Variants in ACOXL observed in about 807,000 individuals in gnomAD.
ACOXL encodes acyl-CoA oxidase like, also known as acyl-coenzyme A oxidase-like protein.
In ACOXL, 70 loss-of-function variants were observed where a neutral mutation model predicts 71.9. The observed-to-expected ratio is 0.97, with a 90% confidence interval of 0.80 to 1.19. The LOEUF is 1.19. ACOXL is among the 50% of genes most tolerant of loss of function. The probability of loss-of-function intolerance (pLI) is 0.00; values close to 1 mark genes in which losing one functional copy is unlikely to be tolerated. For synonymous variants in ACOXL, 253 were observed against 281.6 expected (o/e 0.90, Z 1.02); for missense variants, 703 against 736.3 (o/e 0.95, Z 0.52).
intron 15 of ACOXL, among the ~76,000 whole-genome samples, chr2:111,041,081 G>A (rs752834): frequency 0.15 from 22,445 of 152,028 alleles, 2,029 homozygotes; most frequent in Middle Eastern, 0.21. Context: ...TGGAGGGTGA[G>A]CTATGAGGAA....
chr2:111,005,084 C>A lies in ACOXL; in HGVS notation c.1281+9080C>A, dbSNP rs10164544. Among the ~76,000 whole-genome samples, 1,242 of 152,320 alleles carry A rather than the reference C, an allele frequency of 8.2e-3. 16 individuals are homozygous for A. Among genetic ancestry groups the A allele is most frequent in the African/African-American group, 0.028 (1,158 of 41,570 alleles). On this transcript the variant is annotated intron_variant, in intron 14 of 17. Coordinates refer to ENST00000439055, the MANE Select transcript of ACOXL (RefSeq NM_001142807.4). ...TTGGGCAAATGGAAGGATGAGAATA[C>A]AGATGGACTTAAAATAGTTCTAATT...
chr2:110,814,579 C>T (rs1687704693), intron 9 of ACOXL, among the ~76,000 whole-genome samples: 1 of 152,094 alleles, frequency 6.6e-6, no homozygotes, highest in East Asian at 1.9e-4. Flanking sequence ...CCCTTACAGG[C>T]TCTAAGAAGG....
chr2:111,105,952 ACTATTTATGATG>A (rs2069517438), intron 17 of ACOXL, among the ~76,000 whole-genome samples: 1 of 152,144 alleles, frequency 6.6e-6, no homozygotes, highest in South Asian at 2.1e-4. Flanking sequence ...AAGATTAAAA[ACTATTTATGATG>A]CTATTTATGA....
At chr2:111,100,140 A>G (rs2069045826) in intron 17 of ACOXL, 2 of 152,416 alleles carry the variant, frequency 1.3e-5, no homozygotes, top group African/African-American at 4.8e-5. Context: ...TGAGAAATCA[A>G]TGCAGGAGGA....
chr2:110,887,607 A>G (rs1021958308), intron 10 of ACOXL: 1 of 152,238 alleles, frequency 6.6e-6, no homozygotes, highest in East Asian at 1.9e-4. Context: ...GGCATGTGCC[A>G]TCATGCCCAA....
At chr2:111,062,120 G>A (rs2066846467) in intron 16 of ACOXL, among the ~76,000 whole-genome samples, 1 of 151,800 alleles carries the variant, frequency 6.6e-6, no homozygotes, top group Non-Finnish European at 1.5e-5. Flanking sequence ...GAAAGCAAAA[G>A]GGTCAAAAAT....
intron 17 of ACOXL, among the ~76,000 whole-genome samples, chr2:111,111,039 T>C (rs905373275): frequency 1.1e-4 from 16 of 152,232 alleles, no homozygotes; most frequent in Non-Finnish European, 2.2e-4. Context: ...TATGTTTGCA[T>C]TTCTTTGGGT....
chr2:110,969,233 C>T (rs2062070238), intron 12 of ACOXL, among the ~76,000 whole-genome samples: 1 of 152,126 alleles, frequency 6.6e-6, no homozygotes, highest in African/African-American at 2.4e-5. Context: ...AAGGTCTCAA[C>T]TCATTCACCT....
intron 14 of ACOXL, among the ~76,000 whole-genome samples, chr2:110,996,368 A>G (rs1312595423): frequency 6.6e-6 from 1 of 152,204 alleles, no homozygotes; most frequent in East Asian, 1.9e-4. Context: ...AGGCATATGT[A>G]AAAATTAACA....
chr2:110,746,093 C>T (rs1678162220), intron 1 of ACOXL, among the ~76,000 whole-genome samples: 1 of 152,204 alleles, frequency 6.6e-6, no homozygotes, highest in Admixed American at 6.5e-5. Context: ...TCTGTTCTCA[C>T]TCTACAAGTA....
intron 10 of ACOXL, among the ~76,000 whole-genome samples, chr2:110,862,756 C>T (rs1160599509): frequency 6.6e-6 from 1 of 152,246 alleles, no homozygotes; most frequent in Admixed American, 6.5e-5. Flanking sequence ...GAGGACCCTC[C>T]TCCTGGCCGA....
At chr2:110,873,549 T>G (rs1695524286) in intron 10 of ACOXL, among the ~76,000 whole-genome samples, 1 of 152,168 alleles carries the variant, frequency 6.6e-6, no homozygotes, top group Non-Finnish European at 1.5e-5. Flanking sequence ...GTCTCTCTTT[T>G]GGGCACCTGG....
chr2:110,927,799 C>G (rs527288251), intron 11 of ACOXL, among the ~76,000 whole-genome samples: 90 of 152,312 alleles, frequency 5.9e-4, no homozygotes, highest in African/African-American at 2.0e-3. Flanking sequence ...GTAACTACAT[C>G]ACACCTGGCT....
intron 9 of ACOXL, among the ~76,000 whole-genome samples, chr2:110,828,202 G>A (rs1689392136): frequency 6.6e-6 from 1 of 152,120 alleles, no homozygotes; most frequent in African/African-American, 2.4e-5. Context: ...AAATTCCTGA[G>A]CTCAAGCAAT....
chr2:110,904,924 G>A (rs2059384892), intron 10 of ACOXL, among the ~76,000 whole-genome samples: 1 of 152,086 alleles, frequency 6.6e-6, no homozygotes, highest in Non-Finnish European at 1.5e-5. Flanking sequence ...CAGCGGGAAT[G>A]GGGTCCTGAA....
intron 14 of ACOXL, among the ~76,000 whole-genome samples, chr2:111,027,810 T>A (rs2065084968): frequency 1.3e-5 from 2 of 152,186 alleles, no homozygotes; most frequent in Non-Finnish European, 2.9e-5. Flanking sequence ...GGAATGTGCC[T>A]TGCTAGTTTT....
chr2:110,801,702 C>G lies in ACOXL; in HGVS notation c.598C>G (p.Pro200Ala), dbSNP rs186689849. 3 of 1,614,050 alleles carry G rather than the reference C, an allele frequency of 1.9e-6. No homozygotes were observed. The highest frequency in any genetic ancestry group is 1.7e-6 in the Non-Finnish European group (2 of 1,179,934). Residue 200 changes from proline to alanine, a missense_variant, in exon 8 of 18, where the codon CCC becomes GCC. Pro to Ala is a conservative substitution (Grantham distance 27, BLOSUM62 -1). Coordinates refer to ENST00000439055, the MANE Select transcript of ACOXL (RefSeq NM_001142807.4). ...ATTAATATTTGACAAGGTTCGGATA[C>G]CCAGGGAGAACCTGCTGGATAAGTG... ...GILIFDKVRI[P>A]RENLLDKFGS...
At chr2:110,949,652 A>T (rs1393741607) in intron 12 of ACOXL, among the ~76,000 whole-genome samples, 4 of 152,058 alleles carry the variant, frequency 2.6e-5, no homozygotes, top group African/African-American at 9.7e-5. Context: ...TTTTTTTTTA[A>T]AAAAATCATT....
chr2:110,963,807 G>A, intron 12 of ACOXL: 2 of 1,533,414 alleles, frequency 1.3e-6, no homozygotes, highest in Non-Finnish European at 1.8e-6. Flanking sequence ...TTCTTTAATT[G>A]GCAGGTGCTT....
Sources: gnomAD v4.1 joint callset for allele counts (sites outside exome capture counted in the v4.1 genomes callset) on GRCh38, gnomAD v4.1.1 for gene constraint, MANE v1.5 for transcripts, NCBI Gene and HGNC (gene_info 2026-07-23, HGNC 2026-07-21) for gene names.